MNAT1: variants seen among roughly 807,000 people sequenced by gnomAD.
MNAT1 encodes the protein MNAT1 component of CDK activating kinase.
A neutral mutation model predicts 42.0 loss-of-function variants in MNAT1; 43 were observed. That is an observed-to-expected ratio of 1.02 (90% confidence interval 0.80 to 1.32). The LOEUF is 1.32. Ranked by LOEUF, MNAT1 falls within the 40% of genes most tolerant of loss-of-function variation. The pLI, the probability that MNAT1 is intolerant of heterozygous loss-of-function variation, is 0.00. For missense variants in MNAT1, 306 were observed against 350.4 expected, an observed-to-expected ratio of 0.87 and a Z score of 1.01; for synonymous variants, 118 against 120.0, an observed-to-expected ratio of 0.98 and a Z score of 0.11.
intron 3 of MNAT1, among the ~76,000 whole-genome samples, chr14:60,806,969 A>G (rs962426018): frequency 1.3e-5 from 2 of 152,180 alleles, no homozygotes; most frequent in Non-Finnish European, 2.9e-5. Flanking sequence ...ATTGTCCCAC[A>G]TTGCATCCTA....
Position 60,930,246 on chromosome 14 carries a change from T to G in MNAT1, c.810-37983T>G, listed in dbSNP as rs140206784. Among the ~76,000 whole-genome samples the G allele has an allele frequency of 5.0e-3, 736 of 147,166 alleles. 12 individuals carry two copies. Among genetic ancestry groups the G allele is most frequent in the African/African-American group, 0.017 (690 of 40,300 alleles). On this transcript the variant is annotated intron_variant, in intron 7 of 7. Transcript: ENST00000261245. ...ATTATTATTATTATTATTATTATTA[T>G]TTGAGTCTATTTCCTTCTCTAGATA...
intron 1 of MNAT1, among the ~76,000 whole-genome samples, chr14:60,743,642 G>GT (rs1188980014): frequency 6.6e-6 from 1 of 152,144 alleles, no homozygotes; most frequent in Non-Finnish European, 1.5e-5. Context: ...CTCTGATTTT[G>GT]TTTATAAGAA....
intron 7 of MNAT1, among the ~76,000 whole-genome samples, chr14:60,954,771 G>C (rs2036450604): frequency 1.3e-5 from 2 of 152,238 alleles, no homozygotes; most frequent in South Asian, 4.1e-4. Flanking sequence ...GAAATGGCAA[G>C]AGTGGGCATT....
chr14:60,858,970 C>T (rs1019870229), intron 6 of MNAT1, among the ~76,000 whole-genome samples: 2 of 152,156 alleles, frequency 1.3e-5, no homozygotes, highest in Non-Finnish European at 2.9e-5. Context: ...GGGTCTACAA[C>T]CGAACCTGCA....
chr14:60,774,510 A>G (rs2031177727), intron 1 of MNAT1, among the ~76,000 whole-genome samples: 3 of 152,174 alleles, frequency 2.0e-5, no homozygotes, highest in Admixed American at 6.5e-5. Flanking sequence ...GAAATGAGCT[A>G]ATTTTCATTT....
rs549835559 is a variant in MNAT1, at chr14:60,816,694, C to A, written c.562-2028C>A. On this transcript the variant is annotated intron_variant, in intron 5 of 7. Transcript: ENST00000261245. The stretch of plus-strand genomic sequence containing the variant: ...GGCTAAATCTGCATGTTAGATATTC[C>A]CCAGAGCATGCATGTTTCACATAGT... Among the ~76,000 whole-genome samples the A allele has an allele frequency of 2.0e-5, 3 of 151,968 alleles. No homozygotes were observed. The East Asian group carries it at 5.8e-4, about 29-fold the overall frequency.
intron 7 of MNAT1, among the ~76,000 whole-genome samples, chr14:60,900,696 T>A (rs1424781135): frequency 6.6e-6 from 1 of 152,032 alleles, no homozygotes; most frequent in Non-Finnish European, 1.5e-5. Flanking sequence ...TGGAAGGAGA[T>A]GCCATCTAGG....
At chr14:60,928,631 A>C (rs2035814001) in intron 7 of MNAT1, among the ~76,000 whole-genome samples, 1 of 152,070 alleles carries the variant, frequency 6.6e-6, no homozygotes, top group Admixed American at 6.5e-5. Context: ...TTACCCATCC[A>C]TATATCTTCT....
chr14:60,931,161 A>G (rs997042158), intron 7 of MNAT1, among the ~76,000 whole-genome samples: 6 of 152,152 alleles, frequency 3.9e-5, no homozygotes, highest in Admixed American at 3.3e-4. Flanking sequence ...CACTGACTTC[A>G]GGTGCAGGGT....
chr14:60,808,166 G>C (rs1272162133), intron 3 of MNAT1, among the ~76,000 whole-genome samples, 159 bp from the exon 4 acceptor site: 1 of 152,110 alleles, frequency 6.6e-6, no homozygotes, highest in East Asian at 1.9e-4. Flanking sequence ...GCCGTAACTA[G>C]AGCTAGTCTC....
intron 7 of MNAT1, among the ~76,000 whole-genome samples, chr14:60,922,548 C>T (rs2035683190): frequency 1.3e-5 from 2 of 151,818 alleles, no homozygotes; most frequent in South Asian, 4.2e-4. Context: ...GAAGCTTTAA[C>T]TTGAGGTCTC....
chr14:60,816,624 AC>A (rs2032724008), intron 5 of MNAT1, among the ~76,000 whole-genome samples: 1 of 152,086 alleles, frequency 6.6e-6, no homozygotes, highest in African/African-American at 2.4e-5. Context: ...AGGTTAGGGA[AC>A]CTTTTAAGGT....
intron 3 of MNAT1, among the ~76,000 whole-genome samples, chr14:60,804,187 T>C (rs1316242988): frequency 6.6e-6 from 1 of 152,224 alleles, no homozygotes; most frequent in African/African-American, 2.4e-5. Flanking sequence ...TTGTTTGCTT[T>C]TAATACTTGA....
intron 1 of MNAT1, among the ~76,000 whole-genome samples, chr14:60,795,967 A>G (rs567200428): frequency 6.6e-6 from 1 of 152,160 alleles, no homozygotes; most frequent in South Asian, 2.1e-4. Context: ...CTAGTCTCTC[A>G]CTCAATTTGT....
At chr14:60,746,188 A>G (rs1896609862) in intron 1 of MNAT1, among the ~76,000 whole-genome samples, 1 of 152,290 alleles carries the variant, frequency 6.6e-6, no homozygotes, top group African/African-American at 2.4e-5. Context: ...CAGCCCCCTG[A>G]AGCTCTTAAA....
At chr14:60,854,691 A>C (rs1412348251) in intron 6 of MNAT1, among the ~76,000 whole-genome samples, 1 of 152,140 alleles carries the variant, frequency 6.6e-6, no homozygotes, top group Non-Finnish European at 1.5e-5. Flanking sequence ...CCAGAGGGGC[A>C]CCGACCTGAT....
chr14:60,847,609 A>G (rs543215939), intron 6 of MNAT1, among the ~76,000 whole-genome samples: 1 of 152,014 alleles, frequency 6.6e-6, no homozygotes, highest in East Asian at 1.9e-4. Context: ...TTTGTTTTGT[A>G]TATTTCTCAT....
chr14:60,739,766 C>T (rs1896412095), intron 1 of MNAT1, among the ~76,000 whole-genome samples: 1 of 151,860 alleles, frequency 6.6e-6, no homozygotes, highest in Non-Finnish European at 1.5e-5. Context: ...TTTATCAGGC[C>T]ACCTATTTCA....
intron 7 of MNAT1, among the ~76,000 whole-genome samples, chr14:60,966,640 G>A (rs2036688596): frequency 6.6e-6 from 1 of 152,096 alleles, no homozygotes; most frequent in Non-Finnish European, 1.5e-5. Flanking sequence ...ATCCTCCTGG[G>A]TAGCTGGGAT....
Sources: gnomAD v4.1 joint callset for allele counts (sites outside exome capture counted in the v4.1 genomes callset) on GRCh38, gnomAD v4.1.1 for gene constraint, MANE v1.5 for transcripts, NCBI Gene and HGNC (gene_info 2026-07-23, HGNC 2026-07-21) for gene names.